The following EPSTI1 variants were observed in gnomAD, a reference collection of about 807,000 sequenced individuals.
The protein encoded by EPSTI1 is epithelial stromal interaction 1, also known as epithelial-stromal interaction protein 1.
In EPSTI1, 66 loss-of-function variants were observed where a neutral mutation model predicts 49.9. The observed-to-expected ratio is 1.32, with a 90% CI of 1.08 to 1.62. EPSTI1 has a LOEUF of 1.62. Among genes scored for constraint, EPSTI1 ranks in the 40% most tolerant of loss-of-function variants. The probability of loss-of-function intolerance (pLI) is 0.00; values close to 1 mark genes in which losing one functional copy is unlikely to be tolerated. For synonymous variants in EPSTI1, 137 were observed against 130.7 expected (o/e 1.05, Z -0.33); for missense variants, 394 against 365.5 (o/e 1.08, Z -0.64).
chr13:42,924,237 T>TG (rs1339398026), intron 7 of EPSTI1, among the ~76,000 whole-genome samples: 1 of 152,206 alleles, frequency 6.6e-6, no homozygotes, highest in Non-Finnish European at 1.5e-5. Context: ...ATTAATAGTT[T>TG]GGGGTCAAAA....
At chr13:42,911,302 T>C (rs78552831) in intron 8 of EPSTI1, among the ~76,000 whole-genome samples, 2,448 of 118,262 alleles carry the variant, frequency 0.021, 34 homozygotes, top group Non-Finnish European at 0.032. Context: ...AGTGTGCACA[T>C]GCTTCCTTTA....
Position 42,917,640 on chromosome 13 carries a change from G to GACA in EPSTI1, c.658-17_658-16insTGT. ...AGCTTCTGGCCTGTAAAGGTACAAA[G>GACA]AGAAAAAAAAAAAAAAAAACAACTT... On this transcript the variant is annotated splice_polypyrimidine_tract_variant and intron_variant, in intron 7 of 10. Transcript: ENST00000313624. The GACA allele has an allele frequency of 6.0e-4, 90 of 149,312 alleles. No individual in the cohort carries two copies. The highest frequency in any genetic ancestry group is 8.8e-4 in the Non-Finnish European group (81 of 92,546). The allele number at this position is 149,312 out of a possible 1,614,324, so 9.2% of individuals were successfully genotyped here.
chr13:42,939,486 T>C (rs1269502183), intron 6 of EPSTI1, among the ~76,000 whole-genome samples: 1 of 152,200 alleles, frequency 6.6e-6, no homozygotes, highest in Admixed American at 6.5e-5. Context: ...GGTTATTAAT[T>C]GGCCTAATTT....
intron 3 of EPSTI1, among the ~76,000 whole-genome samples, chr13:42,967,289 T>TAAAAAA (rs747737457): frequency 1.1e-4 from 3 of 28,540 alleles, no homozygotes; most frequent in Admixed American, 5.5e-4. Flanking sequence ...AAAAATAAAT[T>TAAAAAA]AAAAAAAAAA....
At chr13:42,948,698 A>AAC (rs751349005) in intron 6 of EPSTI1, among the ~76,000 whole-genome samples, 3 of 152,080 alleles carry the variant, frequency 2.0e-5, no homozygotes, top group Non-Finnish European at 4.4e-5. Context: ...GCTGGTCTTG[A>AAC]ACTGCTGACC....
chr13:42,917,600 A>G lies in EPSTI1; in HGVS notation c.682T>C (p.Ser228Pro), dbSNP rs2037868031. ...TWARSWAYRD[S>P]LKAEENRKLQ... is the part of the protein sequence containing the mutation. ...TTTCTGTTTTCTTCTGCCTTTAGAG[A>G]ATCTCTGTAAGCCCAGCTTCTGGCC... is the stretch of plus-strand genomic sequence containing the variant. The change falls in exon 8 of 11, where the codon TCT (serine) becomes CCT (proline). Residue 228 changes from serine (S) to proline (P), a missense_variant. Ser to Pro is a moderately conservative substitution (Grantham distance 74, BLOSUM62 -1). Coordinates refer to ENST00000313624, the MANE Select transcript of EPSTI1 (RefSeq NM_033255.5). 1 of 1,546,836 alleles carries G rather than the reference A, an allele frequency of 6.5e-7. No homozygotes were observed. The highest frequency in any genetic ancestry group is 8.8e-7 in the Non-Finnish European group (1 of 1,134,820).
intron 6 of EPSTI1, among the ~76,000 whole-genome samples, chr13:42,936,239 T>C (rs763383226): frequency 6.6e-6 from 1 of 152,202 alleles, no homozygotes; most frequent in South Asian, 2.1e-4. Context: ...CATACAAACA[T>C]GATCAATTTA....
In EPSTI1 at chr13:42,961,497, A is replaced by C. The variant is rs1053386502; in HGVS notation, c.489+1758T>G. Among the ~76,000 whole-genome samples, 26 of 152,230 alleles carry C rather than the reference A, an allele frequency of 1.7e-4. 1 individual carries two copies. ...GAACTGAATACAACTCAAGTATACC[A>C]GTGCTGTCTCCAAATTTCCCTTTGT... On this transcript the variant is annotated intron_variant, in intron 5 of 10. Coordinates refer to ENST00000313624, the MANE Select transcript of EPSTI1 (RefSeq NM_033255.5).
intron 6 of EPSTI1, among the ~76,000 whole-genome samples, chr13:42,933,312 TAAA>T (rs1178617129): frequency 3.9e-5 from 3 of 77,322 alleles, no homozygotes; most frequent in African/African-American, 7.3e-5. Flanking sequence ...ACATAAAAAG[TAAA>T]AAAAAAAAAA....
At chr13:42,895,289 T>C (rs1197235931) in intron 9 of EPSTI1, among the ~76,000 whole-genome samples, 181 bp from the exon 10 acceptor site, 1 of 152,228 alleles carries the variant, frequency 6.6e-6, no homozygotes, top group East Asian at 1.9e-4. Context: ...CCCTCTTTAC[T>C]GGAGCTGGTG....
intron 1 of EPSTI1, among the ~76,000 whole-genome samples, chr13:42,977,355 A>C (rs1416724441): frequency 6.6e-6 from 1 of 152,254 alleles, no homozygotes; most frequent in Non-Finnish European, 1.5e-5. Flanking sequence ...ATTCAGACAG[A>C]GAATGTGCCC....
intron 5 of EPSTI1, among the ~76,000 whole-genome samples, chr13:42,957,850 A>G (rs1163032239): frequency 6.6e-6 from 1 of 152,266 alleles, no homozygotes; most frequent in Non-Finnish European, 1.5e-5. Flanking sequence ...CTGGGATTGC[A>G]GGCATGAGCC....
In EPSTI1 at chr13:42,992,179, C is replaced by G. The variant is rs1475271977; in HGVS notation, c.-14G>C. 6.5e-7 allele frequency: 1 copy of G among 1,531,678 alleles called. No homozygotes were observed. The highest frequency in any genetic ancestry group is 1.4e-5 in the African/African-American group (1 of 72,140). 94.9% of individuals were successfully genotyped at this position (1,531,678 alleles called of 1,614,324 possible). ...GCGGGTGTTCATGGTTCACAGCCCG[C>G]GGGTCCCGGGCCGCCGTCGCTGCGG... On this transcript the variant is annotated 5_prime_UTR_variant, in exon 1 of 11. Transcript: ENST00000313624.
intron 8 of EPSTI1, among the ~76,000 whole-genome samples, chr13:42,907,773 T>G (rs560093990): frequency 6.6e-6 from 1 of 152,356 alleles, no homozygotes; most frequent in South Asian, 2.1e-4. Context: ...TCATTAAACT[T>G]ACAAGTAAAC....
At chr13:42,946,013 T>G (rs1248237237) in intron 6 of EPSTI1, among the ~76,000 whole-genome samples, 3 of 152,202 alleles carry the variant, frequency 2.0e-5, no homozygotes, top group Non-Finnish European at 4.4e-5. Flanking sequence ...ACCTGGATTA[T>G]AAAATTCAAG....
At chr13:42,960,683 G>C (rs2039421272) in intron 5 of EPSTI1, among the ~76,000 whole-genome samples, 1 of 152,178 alleles carries the variant, frequency 6.6e-6, no homozygotes, top group South Asian at 2.1e-4. Flanking sequence ...TGCCAGAAAG[G>C]CTGTGTTCCT....
intron 7 of EPSTI1, among the ~76,000 whole-genome samples, chr13:42,921,155 G>C (rs2153419911): frequency 6.6e-6 from 1 of 152,118 alleles, no homozygotes. Context: ...TGAATTTCCA[G>C]ACCGAAAATG....
rs1304610254 is a variant in EPSTI1 at position 42,934,904 on chromosome 13, C to T, written c.564-8475G>A. The T allele has an allele frequency of 2.2e-5, 4 of 179,924 alleles. No homozygotes were observed. In the East Asian group the frequency reaches 5.1e-4, roughly 23 times the overall value. The allele number at this position is 179,924 out of a possible 1,614,324, so 11.1% of individuals were successfully genotyped here. A position where few individuals can be genotyped will look rare whatever the true frequency, so the allele number is the denominator to read the frequency against. On this transcript the variant is annotated intron_variant, in intron 6 of 10. Transcript: ENST00000313624. ...AGAAACAAGAATGGAAGAAGTGTCA[C>T]TGCCTTTTAAATATAGTATGCATTT... is the stretch of plus-strand genomic sequence containing the variant.
intron 8 of EPSTI1, among the ~76,000 whole-genome samples, chr13:42,910,150 A>G (rs1019704947): frequency 4.0e-5 from 6 of 151,690 alleles, no homozygotes; most frequent in African/African-American, 1.2e-4. Context: ...AATTATTTAT[A>G]TAGCTGCTTT....
Sources: gnomAD v4.1 joint callset for allele counts (sites outside exome capture counted in the v4.1 genomes callset) on GRCh38, gnomAD v4.1.1 for gene constraint, MANE v1.5 for transcripts, NCBI Gene and HGNC (gene_info 2026-07-23, HGNC 2026-07-21) for gene names.